HLCS: variants seen among roughly 807,000 people sequenced by gnomAD.
HLCS encodes the protein biotin--protein ligase.
A neutral mutation model predicts 75.0 loss-of-function variants in HLCS; 53 were observed. That is an observed-to-expected ratio of 0.71 (90% CI 0.57 to 0.89). The LOEUF is 0.89. Among genes scored for constraint, HLCS ranks in the 40% least tolerant of loss-of-function variants. HLCS has a pLI of 0.00. For missense variants in HLCS, 966 were observed against 1,074.0 expected (o/e 0.90, Z 1.41); for synonymous variants, 431 against 428.6 (o/e 1.01, Z -0.07).
At position 36,756,586 on chromosome 21, in the gene HLCS, C is replaced by T. The variant is rs758851021; in HGVS notation, c.2406G>A (p.Gly802=). ...EKLIKEFQDK[G]PNSVLPLYYR... is the part of the protein sequence containing the mutation. ...AATAAAGGGGAAGGACGCTGTTGGGCCCTTTGTCCTGAAACTCTTTGATCA... is the reference window on the plus strand; with the variant it reads ...AATAAAGGGGAAGGACGCTGTTGGGTCCTTTGTCCTGAAACTCTTTGATCA... The change falls in exon 10 of 11, where the codon GGG becomes GGA. Residue 802 remains glycine (G), a synonymous_variant. Transcript: ENST00000674895. 2.9e-5 allele frequency: 46 copies of T among 1,613,844 alleles called. No individual in the cohort carries two copies. Among genetic ancestry groups the T allele is most frequent in the Non-Finnish European group, 3.9e-5 (46 of 1,179,924 alleles).
intron 2 of HLCS, among the ~76,000 whole-genome samples, chr21:36,953,953 C>A (rs766503592): frequency 2.6e-5 from 4 of 152,132 alleles, no homozygotes; most frequent in Non-Finnish European, 5.9e-5. Flanking sequence ...ACAGTACTCA[C>A]GTATTTCTGG....
At chr21:36,944,854 G>T (rs1664415050) in intron 2 of HLCS, among the ~76,000 whole-genome samples, 1 of 152,098 alleles carries the variant, frequency 6.6e-6, no homozygotes, top group Admixed American at 6.5e-5. Context: ...CTGGCACGGT[G>T]GCTCACGCCT....
chr21:36,900,289 G>A (rs892359302), intron 5 of HLCS, among the ~76,000 whole-genome samples: 1 of 152,180 alleles, frequency 6.6e-6, no homozygotes, highest in African/African-American at 2.4e-5. Context: ...GAAAGGCCTG[G>A]AGCAAGTGAA....
intron 2 of HLCS, among the ~76,000 whole-genome samples, chr21:36,946,365 C>A (rs1243218461): frequency 6.6e-6 from 1 of 151,998 alleles, no homozygotes; most frequent in Non-Finnish European, 1.5e-5. Context: ...ACTCAGCCTC[C>A]CGAGTAGCTG....
chr21:36,911,748 C>CAAAAAAA (rs11287408), intron 5 of HLCS, among the ~76,000 whole-genome samples: 1 of 47,830 alleles, frequency 2.1e-5, no homozygotes, highest in Non-Finnish European at 3.5e-5. Flanking sequence ...GACTCCGTCT[C>CAAAAAAA]AAAAAAAAAA....
At chr21:36,796,471 C>G (rs1033530720) in intron 6 of HLCS, among the ~76,000 whole-genome samples, 3 of 152,156 alleles carry the variant, frequency 2.0e-5, no homozygotes, top group African/African-American at 7.2e-5. Context: ...TTCCCAAAAG[C>G]ATATTTCTTT....
chr21:36,819,687 C>G (rs564302148), intron 6 of HLCS, among the ~76,000 whole-genome samples: 100 of 152,042 alleles, frequency 6.6e-4, no homozygotes, highest in Non-Finnish European at 1.2e-3. Flanking sequence ...GACAGAACAA[C>G]TGAGGCTCAG....
chr21:36,948,947 A>C (rs1319741415), intron 2 of HLCS, among the ~76,000 whole-genome samples: 1 of 152,082 alleles, frequency 6.6e-6, no homozygotes, highest in East Asian at 1.9e-4. Context: ...TGAGAAAATA[A>C]TACAAATATT....
chr21:36,843,730 C>T (rs990495098), intron 6 of HLCS, among the ~76,000 whole-genome samples: 6 of 152,146 alleles, frequency 3.9e-5, no homozygotes, highest in Non-Finnish European at 8.8e-5. Context: ...AGGCTGAGTG[C>T]AGTGGCTCAT....
chr21:36,904,344 AATT>A (rs1232365607), intron 5 of HLCS, among the ~76,000 whole-genome samples: 1 of 152,180 alleles, frequency 6.6e-6, no homozygotes, highest in Non-Finnish European at 1.5e-5. Context: ...TAACAATCTA[AATT>A]ATTTGTTTTT....
intron 6 of HLCS, among the ~76,000 whole-genome samples, chr21:36,802,415 A>C (rs2061233829): frequency 6.6e-6 from 1 of 152,238 alleles, no homozygotes; most frequent in South Asian, 2.1e-4. Context: ...TCTGTGTCAT[A>C]AACATTCTCT....
At chr21:36,870,130 A>G (rs2063719648) in intron 6 of HLCS, among the ~76,000 whole-genome samples, 1 of 152,208 alleles carries the variant, frequency 6.6e-6, no homozygotes, top group Admixed American at 6.5e-5. Context: ...GACTGTCAGC[A>G]GCGAAACCTG....
At chr21:36,827,803 CT>C (rs1056655849) in intron 6 of HLCS, among the ~76,000 whole-genome samples, 1 of 146,252 alleles carries the variant, frequency 6.8e-6, no homozygotes, top group African/African-American at 2.6e-5. Flanking sequence ...AAGTATTTTT[CT>C]TTTTCTTTCT....
chr21:36,827,875 G>A (rs2062061828), intron 6 of HLCS, among the ~76,000 whole-genome samples: 1 of 149,232 alleles, frequency 6.7e-6, no homozygotes, highest in African/African-American at 2.5e-5. Flanking sequence ...GTGCAGTGGC[G>A]TGATCTTGGC....
chr21:36,971,143 T>C (rs2068778492), upstream of HLCS, among the ~76,000 whole-genome samples: 1 of 152,076 alleles, frequency 6.6e-6, no homozygotes. Context: ...AAGTAGACAA[T>C]ATTTAGAGCA....
chr21:36,832,668 A>T (rs1017785793), intron 6 of HLCS, among the ~76,000 whole-genome samples: 3 of 152,260 alleles, frequency 2.0e-5, no homozygotes, highest in Admixed American at 2.0e-4. Flanking sequence ...TCCAAGGCAA[A>T]GCCTCAGCTC....
At chr21:36,985,950 C>T (rs1005830728) in intron 1 of HLCS, among the ~76,000 whole-genome samples, 6 of 152,234 alleles carry the variant, frequency 3.9e-5, no homozygotes, top group East Asian at 1.9e-4. Flanking sequence ...TATAAAGGTT[C>T]CTTGTATATG....
At chr21:36,888,445 A>AAAATATATAT (rs2064596202) in intron 6 of HLCS, among the ~76,000 whole-genome samples, 1 of 24,104 alleles carries the variant, frequency 4.1e-5, no homozygotes, top group Non-Finnish European at 8.2e-5. Context: ...AAAAAAAAAA[A>AAAATATATAT]ATATATATAT....
chr21:36,805,808 G>A (rs543365971), intron 6 of HLCS, among the ~76,000 whole-genome samples: 5 of 152,184 alleles, frequency 3.3e-5, no homozygotes, highest in South Asian at 2.1e-4. Context: ...GCATAGAGGC[G>A]TCCATCACTA....
Sources: allele counts gnomAD v4.1 joint callset (sites outside exome capture counted in the v4.1 genomes callset), GRCh38; gene constraint gnomAD v4.1.1; transcripts MANE v1.5; gene names NCBI Gene and HGNC (gene_info 2026-07-23, HGNC 2026-07-21).